The following GALNTL6 variants were observed in gnomAD, a reference collection of about 807,000 sequenced individuals.
GALNTL6 encodes polypeptide N-acetylgalactosaminyltransferase like 6.
In GALNTL6, 46 loss-of-function variants were observed where a neutral mutation model predicts 73.7. The ratio of observed to expected loss-of-function variants is 0.62; its 90% CI spans 0.49 to 0.80. The LOEUF (loss-of-function observed/expected upper bound fraction) is 0.80. Ranked by LOEUF, GALNTL6 falls within the 30% of genes least tolerant of loss-of-function variation. The pLI is 0.00. For missense variants in GALNTL6, 604 were observed against 755.0 expected (o/e 0.80, Z 2.34); for synonymous variants, 259 against 263.7 (o/e 0.98, Z 0.17).
chr4:172,987,495 A>G (rs533552011), intron 10 of GALNTL6, among the ~76,000 whole-genome samples: 65 of 152,342 alleles, frequency 4.3e-4, no homozygotes, highest in Non-Finnish European at 7.6e-4. Context: ...GTTTTGGGTG[A>G]GGGTACAGCC....
chr4:172,555,954 G>T (rs1285053925), intron 5 of GALNTL6, among the ~76,000 whole-genome samples: 1 of 152,070 alleles, frequency 6.6e-6, no homozygotes, highest in Non-Finnish European at 1.5e-5. Context: ...TACGACGTGG[G>T]TGAGTTAATG....
intron 3 of GALNTL6, among the ~76,000 whole-genome samples, chr4:172,296,641 C>T (rs1335051191): frequency 1.3e-5 from 2 of 152,094 alleles, no homozygotes. Context: ...CGATAGTTTG[C>T]TGAGAATGAT....
intron 2 of GALNTL6, among the ~76,000 whole-genome samples, chr4:172,137,912 A>G (rs1183557167): frequency 1.3e-5 from 2 of 152,170 alleles, no homozygotes; most frequent in Non-Finnish European, 1.5e-5. Flanking sequence ...TAGGCTACCA[A>G]ATAGTAAGCC....
intron 2 of GALNTL6, among the ~76,000 whole-genome samples, chr4:171,987,059 T>G (rs1021885420): frequency 6.6e-6 from 1 of 152,128 alleles, no homozygotes; most frequent in Non-Finnish European, 1.5e-5. Context: ...CAGTCTAAGT[T>G]GTTCTGGTGT....
At chr4:172,898,291 TACACACACACACACACACACAC>T (rs5741949) in intron 8 of GALNTL6, among the ~76,000 whole-genome samples, 1 of 147,318 alleles carries the variant, frequency 6.8e-6, no homozygotes. Context: ...TATACTTTAT[TACACACACACACACACACACAC>T]ACACACACAC....
intron 10 of GALNTL6, among the ~76,000 whole-genome samples, chr4:172,970,435 T>TC (rs949059793): frequency 1.1e-4 from 16 of 151,998 alleles, no homozygotes; most frequent in South Asian, 6.2e-4. Flanking sequence ...TTTATAGACC[T>TC]CCCCCCAGGA....
At chr4:171,964,820 T>C (rs554241965) in intron 2 of GALNTL6, among the ~76,000 whole-genome samples, 9 of 152,290 alleles carry the variant, frequency 5.9e-5, no homozygotes, top group Non-Finnish European at 7.4e-5. Context: ...CAAGCAAAGC[T>C]TCCTTGCCCA....
At chr4:172,523,876 A>C (rs1734865269) in intron 5 of GALNTL6, among the ~76,000 whole-genome samples, 1 of 152,172 alleles carries the variant, frequency 6.6e-6, no homozygotes, top group African/African-American at 2.4e-5. Flanking sequence ...CACATACAAA[A>C]GATATATAAC....
intron 5 of GALNTL6, among the ~76,000 whole-genome samples, chr4:172,753,058 A>G (rs1475181093): frequency 6.6e-6 from 1 of 152,154 alleles, no homozygotes; most frequent in East Asian, 1.9e-4. Context: ...TTCCCACCCA[A>G]ATCTCACCTT....
chr4:172,602,501 T>TCAAAGATACG (rs368680653), intron 5 of GALNTL6, among the ~76,000 whole-genome samples: 2 of 151,956 alleles, frequency 1.3e-5, no homozygotes, highest in African/African-American at 4.8e-5. Flanking sequence ...TAGGTTTAAA[T>TCAAAGATACG]TATTTTAAAC....
rs1486497386 is a variant in GALNTL6, at chr4:172,221,533, C to T, written c.139-8123C>T. 2.0e-5 allele frequency among the ~76,000 whole-genome samples: 3 copies of T among 146,734 alleles called. No individual in the cohort carries two copies. The East Asian group carries it at 5.8e-4, about 28-fold the overall frequency. ...TTTATGTTTCTACAGAAATGCTATC[C>T]ACATTCACACTAATTTGTGGAGTTT... On this transcript the variant is annotated intron_variant, in intron 2 of 12. Coordinates refer to ENST00000506823, the MANE Select transcript of GALNTL6 (RefSeq NM_001034845.3).
chr4:172,542,960 G>C, intron 5 of GALNTL6, among the ~76,000 whole-genome samples: 1 of 152,122 alleles, frequency 6.6e-6, no homozygotes, highest in African/African-American at 2.4e-5. Context: ...AGCCGGGCGT[G>C]GTGGCACGTG....
At chr4:172,074,825 C>T (rs1428088761) in intron 2 of GALNTL6, among the ~76,000 whole-genome samples, 1 of 152,126 alleles carries the variant, frequency 6.6e-6, no homozygotes, top group Non-Finnish European at 1.5e-5. Flanking sequence ...ATCAGGTGTA[C>T]TAAGGAGATG....
intron 10 of GALNTL6, among the ~76,000 whole-genome samples, chr4:172,966,775 T>G (rs916715344): frequency 2.0e-5 from 3 of 152,226 alleles, no homozygotes; most frequent in African/African-American, 7.2e-5. Flanking sequence ...AGGCAACAGT[T>G]AAAGATGAGA....
chr4:172,412,047 G>T (rs898859513), intron 5 of GALNTL6, among the ~76,000 whole-genome samples: 2 of 151,780 alleles, frequency 1.3e-5, no homozygotes, highest in African/African-American at 2.4e-5. Context: ...TTTATTTTTA[G>T]TTTTAGTTTT....
chr4:171,889,239 ATAATT>A (rs1469079614), intron 2 of GALNTL6, among the ~76,000 whole-genome samples: 1 of 152,096 alleles, frequency 6.6e-6, no homozygotes, highest in African/African-American at 2.4e-5. Context: ...GTTCAATAAA[ATAATT>A]TGAAGTCAGG....
chr4:172,526,463 G>A (rs1396056152), intron 5 of GALNTL6, among the ~76,000 whole-genome samples: 2 of 152,110 alleles, frequency 1.3e-5, no homozygotes, highest in Non-Finnish European at 2.9e-5. Flanking sequence ...TCAAGCCCTG[G>A]CAGTCAACTC....
intron 5 of GALNTL6, among the ~76,000 whole-genome samples, chr4:172,580,405 A>G (rs1737136816): frequency 6.6e-6 from 1 of 152,252 alleles, no homozygotes; most frequent in East Asian, 1.9e-4. Context: ...AAATCAACAA[A>G]TTGAAAATTA....
chr4:171,995,517 A>T (rs2110746717), intron 2 of GALNTL6, among the ~76,000 whole-genome samples: 2 of 152,166 alleles, frequency 1.3e-5, no homozygotes, highest in African/African-American at 4.8e-5. Flanking sequence ...TTTTTAATGT[A>T]TTCATCTGAA....
Sources: allele counts gnomAD v4.1 joint callset (sites outside exome capture counted in the v4.1 genomes callset), GRCh38; gene constraint gnomAD v4.1.1; transcripts MANE v1.5; gene names NCBI Gene and HGNC (gene_info 2026-07-23, HGNC 2026-07-21).